Variants in ARHGAP20 observed in about 807,000 individuals in gnomAD.
ARHGAP20 encodes Rho GTPase activating protein 20, also known as rho GTPase-activating protein 20.
ARHGAP20 carries 34 observed loss-of-function variants against 73.7 expected under a neutral mutation model. The ratio of observed to expected loss-of-function variants is 0.46; its 90% CI spans 0.35 to 0.61. The LOEUF is 0.61. ARHGAP20 is among the 20% of genes least tolerant of loss of function. The pLI is 0.00. For synonymous variants in ARHGAP20, 523 were observed against 518.2 expected (o/e 1.01, Z -0.13); for missense variants, 1,314 against 1,420.9 (o/e 0.92, Z 1.21).
At chr11:110,660,074 A>ACAAAACAAAAC (rs1414553552) in intron 2 of ARHGAP20, among the ~76,000 whole-genome samples, 7 of 150,582 alleles carry the variant, frequency 4.6e-5, no homozygotes, top group African/African-American at 1.7e-4. Context: ...AAAAAAAAAA[A>ACAAAACAAAAC]AAAAGAAAAT....
chr11:110,600,118 C>T (rs548141366), intron 9 of ARHGAP20, among the ~76,000 whole-genome samples: 1 of 152,338 alleles, frequency 6.6e-6, no homozygotes, highest in Non-Finnish European at 1.5e-5. Flanking sequence ...TCTTCCTGGT[C>T]ACAGGATGAG....
In ARHGAP20 at chr11:110,577,160, T is replaced by C; in HGVS notation, c.*2210A>G. 1 of 1,534,588 alleles carries C rather than the reference T, an allele frequency of 6.5e-7. No individual in the cohort carries two copies. Among genetic ancestry groups the C allele is most frequent in the Non-Finnish European group, 8.7e-7 (1 of 1,146,196 alleles). On this transcript the variant is annotated 3_prime_UTR_variant, in exon 15 of 15. Coordinates refer to ENST00000683387, the MANE Select transcript of ARHGAP20 (RefSeq NM_001384657.1). ...AAAAGTTAGCAGCAGTTTCTGCAAG[T>C]ACAAAAATACACATTTATTACATAA... is the stretch of plus-strand genomic sequence containing the variant.
At chr11:110,683,350 A>T (rs1405152098) in intron 2 of ARHGAP20, among the ~76,000 whole-genome samples, 3 of 152,040 alleles carry the variant, frequency 2.0e-5, no homozygotes, top group African/African-American at 4.8e-5. Context: ...ACATTTTGTT[A>T]AAAAAAATCT....
At chr11:110,669,629 T>A (rs965657284) in intron 2 of ARHGAP20, among the ~76,000 whole-genome samples, 1 of 152,082 alleles carries the variant, frequency 6.6e-6, no homozygotes. Flanking sequence ...AATGCACACA[T>A]AGAATACTTA....
intron 2 of ARHGAP20, among the ~76,000 whole-genome samples, chr11:110,637,489 A>G (rs534874892): frequency 6.6e-6 from 1 of 152,212 alleles, no homozygotes; most frequent in Admixed American, 6.6e-5. Context: ...GGCATCTCTT[A>G]TATGACATCT....
At chr11:110,599,149 A>G (rs1027862417) in intron 9 of ARHGAP20, among the ~76,000 whole-genome samples, 51 of 152,062 alleles carry the variant, frequency 3.4e-4, no homozygotes, top group Non-Finnish European at 4.1e-4. Context: ...ATTCCCCAAC[A>G]CAGCTGTAGC....
chr11:110,587,063 AGT>A (rs1467868416), intron 11 of ARHGAP20, among the ~76,000 whole-genome samples: 1 of 152,186 alleles, frequency 6.6e-6, no homozygotes, highest in Non-Finnish European at 1.5e-5. Flanking sequence ...GGCAGGGCTG[AGT>A]GTGGTAAGGC....
At position 110,650,174 on chromosome 11, in the gene ARHGAP20, TC is replaced by T. The variant is rs1231108701; in HGVS notation, c.189-19383del. Among the ~76,000 whole-genome samples, 6 of 152,254 alleles carry T rather than the reference TC, an allele frequency of 3.9e-5. No individual in the cohort carries two copies. The East Asian group carries it at 9.6e-4, about 24-fold the overall frequency. On this transcript the variant is annotated intron_variant, in intron 2 of 14. Transcript: ENST00000683387. ...TTATTTTATATCTATATGCCATGTT[TC>T]CCCAGCTGGATGGTAAGCTCCTAGG...
chr11:110,711,523 C>G, intron 1 of ARHGAP20: 2 of 1,212,876 alleles, frequency 1.6e-6, no homozygotes, highest in Non-Finnish European at 2.1e-6. Flanking sequence ...CCTGGGAGAC[C>G]CGGAATCATC....
Position 110,712,167 on chromosome 11 carries a change from G to A in ARHGAP20, c.65C>T (p.Thr22Ile). ...GGQPGRSSSL[T>I]GVSRLAGGSC... is the part of the protein sequence containing the mutation. ...GCCTCCCGCGAGCCGAGACACTCCT[G>A]TCAGGGAAGAGGAGCGCCCCGGCTG... Residue 22 changes from threonine (T) to isoleucine (I), a missense_variant, in exon 1 of 15, where the codon ACA becomes ATA. Around this residue, in one of 3 missense-constraint regions of ARHGAP20, gnomAD observed 443 missense variants for 466.4 expected, o/e 0.95. Coordinates refer to ENST00000683387, the MANE Select transcript of ARHGAP20 (RefSeq NM_001384657.1). 1 of 1,371,490 alleles carries A rather than the reference G, an allele frequency of 7.3e-7. No homozygotes were observed. Among genetic ancestry groups the A allele is most frequent in the Non-Finnish European group, 9.5e-7 (1 of 1,056,728 alleles). The allele number at this position is 1,371,490 out of a possible 1,614,324, so 85.0% of individuals were successfully genotyped here. A position where few individuals can be genotyped will look rare whatever the true frequency, so the allele number is the denominator to read the frequency against.
chr11:110,621,404 A>G (rs1012620380), intron 4 of ARHGAP20, among the ~76,000 whole-genome samples: 55 of 151,660 alleles, frequency 3.6e-4, no homozygotes, highest in African/African-American at 1.3e-3. Context: ...ATACTTTTTG[A>G]TATATTCCCA....
Position 110,577,663 on chromosome 11 carries a change from A to C in ARHGAP20, c.*1707T>G. On this transcript the variant is annotated 3_prime_UTR_variant, in exon 15 of 15. Coordinates refer to ENST00000683387, the MANE Select transcript of ARHGAP20 (RefSeq NM_001384657.1). ...TTAATATGTAGGACTGGTTAGTTAT[A>C]AAGTGAAATCGACTTCACATCTGTG... 1 of 985,894 alleles carries C rather than the reference A, an allele frequency of 1.0e-6. No homozygotes were observed. Among genetic ancestry groups the C allele is most frequent in the African/African-American group, 1.7e-5 (1 of 57,364 alleles). The allele number at this position is 985,894 out of a possible 1,614,324, so 61.1% of individuals were successfully genotyped here. A position where few individuals can be genotyped will look rare whatever the true frequency, so the allele number is the denominator to read the frequency against.
At chr11:110,641,526 A>T (rs1484648625) in intron 2 of ARHGAP20, among the ~76,000 whole-genome samples, 1 of 152,080 alleles carries the variant, frequency 6.6e-6, no homozygotes, top group African/African-American at 2.4e-5. Flanking sequence ...AAGACAACTA[A>T]TCAGGAAAAA....
rs769110159 is a variant in ARHGAP20 at position 110,580,765 on chromosome 11, G to C, written c.2181C>G (p.Arg727=). 1.2e-6 allele frequency: 2 copies of C among 1,613,988 alleles called. No individual in the cohort carries two copies. The highest frequency in any genetic ancestry group is 2.2e-5 in the East Asian group (1 of 44,860). ...YLREFYQKKL[R]KSSCDAILSQ... ...AAAGAATTGCATCACAGCTGGACTT[G>C]CGTAGCTTTTTCTGATAAAACTCCC... Residue 727 remains arginine (R), a synonymous_variant, in exon 15 of 15, where the codon CGC becomes CGG. Transcript: ENST00000683387.
chr11:110,608,366 G>A (rs1229201407), intron 8 of ARHGAP20, among the ~76,000 whole-genome samples: 3 of 152,052 alleles, frequency 2.0e-5, no homozygotes, highest in Non-Finnish European at 4.4e-5. Context: ...ACTTAAATAA[G>A]GTAAAATGGA....
chr11:110,674,831 C>T (rs1949900171), intron 2 of ARHGAP20, among the ~76,000 whole-genome samples: 2 of 152,114 alleles, frequency 1.3e-5, no homozygotes. Context: ...ATGTCATCAC[C>T]ATCTACCCAG....
At chr11:110,652,001 C>A (rs529554567) in intron 2 of ARHGAP20, among the ~76,000 whole-genome samples, 8 of 152,082 alleles carry the variant, frequency 5.3e-5, no homozygotes, top group Admixed American at 5.2e-4. Flanking sequence ...AAAATGCTGG[C>A]AAATTGAATC....
At chr11:110,584,609 G>C (rs532251755) in intron 12 of ARHGAP20, among the ~76,000 whole-genome samples, 7 of 151,920 alleles carry the variant, frequency 4.6e-5, no homozygotes, top group African/African-American at 1.7e-4. Context: ...GGAAAATAAG[G>C]CATCTAGCAT....
chr11:110,705,062 T>C (rs1950529188), intron 1 of ARHGAP20, among the ~76,000 whole-genome samples: 1 of 152,152 alleles, frequency 6.6e-6, no homozygotes, highest in Non-Finnish European at 1.5e-5. Context: ...AGTTGAAATC[T>C]AGTATATTTT....
Sources: gnomAD v4.1 joint callset for allele counts (sites outside exome capture counted in the v4.1 genomes callset) on GRCh38, gnomAD v4.1.1 for gene constraint, gnomAD v4.1.1 regional missense constraint, MANE v1.5 for transcripts, NCBI Gene and HGNC (gene_info 2026-07-23, HGNC 2026-07-21) for gene names.